FAT3: variants seen among roughly 807,000 people sequenced by gnomAD.
The protein encoded by FAT3 is protocadherin Fat 3.
A neutral mutation model predicts 310.2 loss-of-function variants in FAT3; 95 were observed. That is an observed-to-expected ratio of 0.31 (90% CI 0.26 to 0.36). The LOEUF (loss-of-function observed/expected upper bound fraction) is 0.36, where lower values mean the gene tolerates loss of function less well. Ranked by LOEUF, FAT3 falls within the 10% of genes least tolerant of loss-of-function variation. The probability of loss-of-function intolerance (pLI) is 1.00; values close to 1 mark genes in which losing one functional copy is unlikely to be tolerated. For synonymous variants in FAT3, 2,314 were observed against 2,192.9 expected (o/e 1.06, Z -1.54); for missense variants, 5,408 against 5,715.6 (o/e 0.95, Z 1.74).
At chr11:92,873,929 T>G (rs1949456895) in intron 22 of FAT3, among the ~76,000 whole-genome samples, 1 of 152,244 alleles carries the variant, frequency 6.6e-6, no homozygotes, top group Non-Finnish European at 1.5e-5. Flanking sequence ...TCATTGACTG[T>G]GTAACCTCGT....
intron 1 of FAT3, among the ~76,000 whole-genome samples, chr11:92,314,099 T>C (rs1947375711): frequency 6.6e-6 from 1 of 152,234 alleles, no homozygotes; most frequent in South Asian, 2.1e-4. Context: ...TCTATAGAAC[T>C]GCCTCAGAAA....
At chr11:92,769,459 C>G (rs1565580094) in intron 6 of FAT3, among the ~76,000 whole-genome samples, 2 of 152,326 alleles carry the variant, frequency 1.3e-5, no homozygotes, top group South Asian at 2.1e-4. Context: ...TACAGACTCT[C>G]TAATGTGCAT....
At chr11:92,826,443 A>G (rs1291040388) in intron 13 of FAT3, among the ~76,000 whole-genome samples, 1 of 152,212 alleles carries the variant, frequency 6.6e-6, no homozygotes, top group African/African-American at 2.4e-5. Flanking sequence ...AGCCTGCAGC[A>G]TGGGATTGAG....
chr11:92,604,293 C>A (rs1940170903), intron 3 of FAT3, among the ~76,000 whole-genome samples: 1 of 152,136 alleles, frequency 6.6e-6, no homozygotes. Flanking sequence ...TTATTTTCTT[C>A]TTTTTAATTA....
chr11:92,369,818 G>T (rs1392417842), intron 2 of FAT3, among the ~76,000 whole-genome samples: 1 of 152,112 alleles, frequency 6.6e-6, no homozygotes, highest in African/African-American at 2.4e-5. Flanking sequence ...CTGCACTCCA[G>T]CCTGGTGACA....
rs947215551 is a variant in FAT3 at position 92,894,524 on chromosome 11, G to C, written c.*3411G>C. On this transcript the variant is annotated 3_prime_UTR_variant, in exon 28 of 28. Coordinates refer to ENST00000525166, the MANE Select transcript of FAT3 (RefSeq NM_001367949.2). ...TGGAAGCCATTTCCCATAATCTGTTGTAGGCACTTTACTAGTATTGCACAC... is the reference window on the plus strand; with the variant it reads ...TGGAAGCCATTTCCCATAATCTGTTCTAGGCACTTTACTAGTATTGCACAC... 22 of 152,270 alleles carry C rather than the reference G, an allele frequency of 1.4e-4. No homozygotes were observed. In the East Asian group the frequency reaches 3.7e-3, roughly 25 times the overall value. The allele number at this position is 152,270 out of a possible 1,614,324, so 9.4% of individuals were successfully genotyped here.
intron 14 of FAT3, among the ~76,000 whole-genome samples, chr11:92,833,974 G>T (rs1948332782): frequency 1.3e-5 from 2 of 152,310 alleles, no homozygotes; most frequent in South Asian, 4.1e-4. Flanking sequence ...GAGCCTATTG[G>T]CAGTCTTAGC....
At chr11:92,608,389 T>C (rs1940404335) in intron 3 of FAT3, among the ~76,000 whole-genome samples, 2 of 152,206 alleles carry the variant, frequency 1.3e-5, no homozygotes, top group Non-Finnish European at 2.9e-5. Context: ...ATGCTGTTAG[T>C]TGTTACTTTT....
At chr11:92,485,557 C>G (rs116307291) in intron 2 of FAT3, among the ~76,000 whole-genome samples, 2 of 152,088 alleles carry the variant, frequency 1.3e-5, no homozygotes, top group South Asian at 4.1e-4. Flanking sequence ...TACACAGAAA[C>G]GAAAGGGCCT....
chr11:92,322,889 A>T (rs1246625634), intron 1 of FAT3, among the ~76,000 whole-genome samples: 1 of 152,038 alleles, frequency 6.6e-6, no homozygotes, highest in African/African-American at 2.4e-5. Flanking sequence ...GTTACAATTA[A>T]CTTTTTCCAA....
At chr11:92,453,175 G>C (rs1433691077) in intron 2 of FAT3, among the ~76,000 whole-genome samples, 1 of 152,154 alleles carries the variant, frequency 6.6e-6, no homozygotes, top group Non-Finnish European at 1.5e-5. Context: ...GAAAGGATTT[G>C]AATGTTAAGA....
chr11:92,306,911 C>T (rs932081411), intron 1 of FAT3, among the ~76,000 whole-genome samples: 2 of 149,426 alleles, frequency 1.3e-5, no homozygotes, highest in Non-Finnish European at 3.0e-5. Context: ...CCTCCTTAGC[C>T]TCCTGAGTAG....
At chr11:92,475,541 ACT>A (rs1952027264) in intron 2 of FAT3, among the ~76,000 whole-genome samples, 2 of 151,318 alleles carry the variant, frequency 1.3e-5, no homozygotes, top group African/African-American at 4.9e-5. Flanking sequence ...AAGCCTTGAA[ACT>A]CTCACTCTTA....
chr11:92,790,318 A>G lies in FAT3; in HGVS notation c.4611+100A>G, dbSNP rs1330710427. On this transcript the variant is annotated intron_variant, in intron 8 of 27. Coordinates refer to ENST00000525166, the MANE Select transcript of FAT3 (RefSeq NM_001367949.2). ...TATAGGGCCCCTAAATTTTATAAGT[A>G]GTTGTAAATTTAGTCTTTTCACAGA... The G allele has an allele frequency of 7.8e-6, 10 of 1,276,704 alleles. No individual in the cohort carries two copies. The South Asian group carries it at 1.3e-4, about 16-fold the overall frequency. 79.1% of individuals were successfully genotyped at this position (1,276,704 alleles called of 1,614,324 possible). A position where few individuals can be genotyped will look rare whatever the true frequency, so the allele number is the denominator to read the frequency against.
intron 2 of FAT3, among the ~76,000 whole-genome samples, chr11:92,513,509 C>T (rs1240308121): frequency 6.6e-6 from 1 of 152,064 alleles, no homozygotes; most frequent in African/African-American, 2.4e-5. Flanking sequence ...AAGAGTTTGA[C>T]TCTTGAAGAA....
chr11:92,886,082 G>A (rs1949790664), intron 24 of FAT3, among the ~76,000 whole-genome samples: 1 of 152,130 alleles, frequency 6.6e-6, no homozygotes, highest in African/African-American at 2.4e-5. Context: ...GCTCTTCCTG[G>A]TGATCACTGC....
At chr11:92,394,862 A>G (rs78172459) in intron 2 of FAT3, among the ~76,000 whole-genome samples, 3,831 of 152,276 alleles carry the variant, frequency 0.025, 178 homozygotes, top group African/African-American at 0.088. Context: ...TAAAACTGGT[A>G]AAAGTTTCTA....
chr11:92,737,067 G>C (rs927881340), intron 4 of FAT3, among the ~76,000 whole-genome samples: 3 of 152,096 alleles, frequency 2.0e-5, no homozygotes, highest in Non-Finnish European at 4.4e-5. Flanking sequence ...AGGTGGCAAG[G>C]TGACATCTAT....
At chr11:92,658,596 G>A (rs1473080311) in intron 3 of FAT3, among the ~76,000 whole-genome samples, 2 of 152,136 alleles carry the variant, frequency 1.3e-5, no homozygotes, top group Non-Finnish European at 2.9e-5. Flanking sequence ...CAGCCCCAGC[G>A]ATCTTGCCCT....
Sources: gnomAD v4.1 joint callset for allele counts (sites outside exome capture counted in the v4.1 genomes callset) on GRCh38, gnomAD v4.1.1 for gene constraint, MANE v1.5 for transcripts, NCBI Gene and HGNC (gene_info 2026-07-23, HGNC 2026-07-21) for gene names.